The following UNC13D variants were observed in gnomAD, a reference collection of about 807,000 sequenced individuals.
The protein encoded by UNC13D is protein unc-13 homolog D.
UNC13D carries 115 observed loss-of-function variants against 151.7 expected under a neutral mutation model. The ratio of observed to expected loss-of-function variants is 0.76; its 90% confidence interval spans 0.65 to 0.88. The LOEUF (loss-of-function observed/expected upper bound fraction) is 0.88, where lower values mean the gene tolerates loss of function less well. Among genes scored for constraint, UNC13D ranks in the 40% least tolerant of loss-of-function variants. The pLI is 0.00. For missense variants in UNC13D, 1,369 were observed against 1,438.7 expected, an observed-to-expected ratio of 0.95 and a Z score of 0.78; for synonymous variants, 588 against 612.2, an observed-to-expected ratio of 0.96 and a Z score of 0.58.
Position 75,836,642 on chromosome 17 carries a change from T to A in UNC13D, c.1228A>T (p.Ile410Phe). ...SSLLTYGLSLIRRFRSVFPLS... is the reference protein window; with the variant it reads ...SSLLTYGLSLFRRFRSVFPLS... ...GGGAAGACAGAGCGGAACCTCCGGA[T>A]GAGGGAGAGGCCGTAGGTCAGCAGG... Residue 410 changes from isoleucine to phenylalanine, a missense_variant, in exon 14 of 32, where the codon ATC becomes TTC. Physicochemically the swap from Ile to Phe is conservative, Grantham distance 21. Transcript: ENST00000207549. 6.2e-7 allele frequency: 1 copy of A among 1,613,688 alleles called. No individual in the cohort carries two copies. Among genetic ancestry groups the A allele is most frequent in the South Asian group, 1.1e-5 (1 of 91,084 alleles).
At position 75,843,235 on chromosome 17, in the gene UNC13D, G is replaced by A. The variant is rs1567822572; in HGVS notation, c.185C>T (p.Thr62Ile). Reference protein sequence around the residue: ...RALLYEDALYTVLHRLGHPEP... With the variant: ...RALLYEDALYIVLHRLGHPEP... ...AGGATGACCCAGGCGGTGCAAGACA[G>A]TGTAGAGTGCGTCCTCGTAGAGCAG... The change falls in exon 3 of 32, where the codon ACT becomes ATT. Residue 62 changes from threonine to isoleucine, a missense_variant. By Grantham distance (89) the Thr-to-Ile change is moderately conservative. This residue lies in a region of UNC13D where 550 missense variants were observed against 609.0 expected (regional missense o/e 0.90). Transcript: ENST00000207549. The A allele has an allele frequency of 2.5e-6, 4 of 1,610,540 alleles. No homozygotes were observed. Among genetic ancestry groups the A allele is most frequent in the Admixed American group, 3.3e-5 (2 of 60,018 alleles).
In UNC13D at chr17:75,828,785, A is replaced by G; in HGVS notation, c.3151+2T>C. The G allele has an allele frequency of 6.5e-7, 1 of 1,536,254 alleles. No individual in the cohort carries two copies. The highest frequency in any genetic ancestry group is 8.8e-7 in the Non-Finnish European group (1 of 1,141,424). ...ACCACCCTGCCCTGGGCTCAGGCCT[A>G]CCGTTGGGTGCGGGGTACGTGAGGG... On this transcript the variant is annotated splice_donor_variant, in intron 31 of 31. Transcript: ENST00000207549. LOFTEE classifies it high-confidence loss of function.
chr17:75,844,132 C>A, intron 1 of UNC13D, 89 bp downstream of exon 1: 1 of 1,552,930 alleles, frequency 6.4e-7, no homozygotes, highest in Non-Finnish European at 8.8e-7. Flanking sequence ...TCCCAGCCTT[C>A]GAGAGGTGGG....
chr17:75,834,396 C>T lies in UNC13D; in HGVS notation c.2227G>A (p.Ala743Thr). The T allele has an allele frequency of 6.3e-7, 1 of 1,588,346 alleles. No homozygotes were observed. Among genetic ancestry groups the T allele is most frequent in the Non-Finnish European group, 8.5e-7 (1 of 1,174,862 alleles). The change falls in exon 23 of 32, where the codon GCC becomes ACC. Residue 743 changes from alanine to threonine, a missense_variant. Ala to Thr is a moderately conservative substitution (Grantham distance 58). Transcript: ENST00000207549. ...CCGGCCAGCGCGCTCTGCAGCTGGGCATGCAGCGTGTTCTGCAGCTGCCCC... is the reference window on the plus strand; with the variant it reads ...CCGGCCAGCGCGCTCTGCAGCTGGGTATGCAGCGTGTTCTGCAGCTGCCCC... Reference protein sequence around the residue: ...EQGQLQNTLHAQLQSALAGLG... With the variant: ...EQGQLQNTLHTQLQSALAGLG...
rs746314361 is a variant in UNC13D at position 75,836,615 on chromosome 17, G to T, written c.1255C>A (p.Leu419Ile). Residue 419 changes from leucine to isoleucine, a missense_variant, in exon 14 of 32, where the codon CTC becomes ATC. This residue lies in a region of UNC13D where 550 missense variants were observed against 609.0 expected (regional missense o/e 0.90). Coordinates refer to ENST00000207549, the MANE Select transcript of UNC13D (RefSeq NM_199242.3). ...CGGGCTGGGGAGTCCGAGACAGAGA[G>T]GGGGAAGACAGAGCGGAACCTCCGG... ...LIRRFRSVFPLSVSDSPARLQ... is the reference protein window; with the variant it reads ...LIRRFRSVFPISVSDSPARLQ... The T allele has an allele frequency of 6.2e-6, 10 of 1,613,678 alleles. No individual in the cohort carries two copies. Among genetic ancestry groups the T allele is most frequent in the African/African-American group, 2.7e-5 (2 of 74,940 alleles).
chr17:75,840,729 C>T lies in UNC13D; in HGVS notation c.683+33G>A, dbSNP rs565803730. The T allele has an allele frequency of 3.7e-6, 6 of 1,613,648 alleles. 1 individual carries two copies. In the South Asian group the frequency reaches 6.6e-5, roughly 18 times the overall value. ...GGGGGATGGAGGGCAAAAGGAGCCC[C>T]AACCCCTTCCCTGTGAGCCCTGCAA... On this transcript the variant is annotated intron_variant, in intron 8 of 31. Coordinates refer to ENST00000207549, the MANE Select transcript of UNC13D (RefSeq NM_199242.3). This position sits in a 1 kb window ranked among gnomAD's most constrained non-coding sequence, Gnocchi z 4.6.
rs2064880235 is a variant in UNC13D at position 75,832,749 on chromosome 17, C to A, written c.2447+217G>T. On this transcript the variant is annotated intron_variant, in intron 25 of 31. Transcript: ENST00000207549. The surrounding 1 kb of genome is among the most constrained non-coding windows in gnomAD (Gnocchi z 4.3). ...CGAGCCTTAGCAGAGCCTGTTGCAC[C>A]CATAAGGGAGGTCACCAAAGGGATT... The A allele has an allele frequency of 1.9e-6, 1 of 532,808 alleles. No homozygotes were observed. Among genetic ancestry groups the A allele is most frequent in the Non-Finnish European group, 3.5e-6 (1 of 289,050 alleles). The allele number at this position is 532,808 out of a possible 1,614,324, so 33.0% of individuals were successfully genotyped here. A position where few individuals can be genotyped will look rare whatever the true frequency, so the allele number is the denominator to read the frequency against.
chr17:75,833,969 C>A lies in UNC13D; in HGVS notation c.2367+106G>T, dbSNP rs2064889155. On this transcript the variant is annotated intron_variant, in intron 24 of 31. Coordinates refer to ENST00000207549, the MANE Select transcript of UNC13D (RefSeq NM_199242.3). This position sits in a 1 kb window ranked among gnomAD's most constrained non-coding sequence, Gnocchi z 4.0. ...AACTGAGGCCCAGGGAGAGAACATG[C>A]TTTGCCTGGTCTGGGGGACTTATCT... is the stretch of plus-strand genomic sequence containing the variant. The A allele has an allele frequency of 1.4e-6, 2 of 1,433,002 alleles. No homozygotes were observed. The highest frequency in any genetic ancestry group is 2.0e-6 in the Non-Finnish European group (2 of 1,024,248). The allele number at this position is 1,433,002 out of a possible 1,614,324, so 88.8% of individuals were successfully genotyped here. A position where few individuals can be genotyped will look rare whatever the true frequency, so the allele number is the denominator to read the frequency against.
At chr17:75,842,664 G>T in intron 5 of UNC13D, 51 bp from the exon 6 acceptor site, 1 of 1,608,308 alleles carries the variant, frequency 6.2e-7, no homozygotes. Flanking sequence ...CTGGGTCCCT[G>T]GGAGAGGCCC....
chr17:75,839,979 G>T, intron 11 of UNC13D, 37 bp from the exon 12 acceptor site: 2 of 1,613,514 alleles, frequency 1.2e-6, no homozygotes, highest in Non-Finnish European at 1.7e-6. Flanking sequence ...AGGACCTGAA[G>T]GGCAGCCCCG....
intron 12 of UNC13D, 64 bp from the exon 13 acceptor site, chr17:75,836,982 G>C: frequency 1.8e-6 from 2 of 1,136,302 alleles, no homozygotes; most frequent in South Asian, 2.9e-5. Context: ...CTGTTCACCC[G>C]GCCTCAGGTG....
In UNC13D at chr17:75,835,507, T is replaced by C. The variant is rs753075040; in HGVS notation, c.1750A>G (p.Asn584Asp). The change falls in exon 20 of 32, where the codon AAT becomes GAT. Residue 584 changes from asparagine to aspartate, a missense_variant. Coordinates refer to ENST00000207549, the MANE Select transcript of UNC13D (RefSeq NM_199242.3). ...SERDGVLALDNFHRWFQPAIP... is the reference protein window; with the variant it reads ...SERDGVLALDDFHRWFQPAIP... Reference sequence around the variant, plus strand: ...GCCGGCTGGAACCAGCGGTGGAAATTATCCAGGGCCAGGACTCCATCCCTG... The same window carrying C: ...GCCGGCTGGAACCAGCGGTGGAAATCATCCAGGGCCAGGACTCCATCCCTG... 3 of 1,608,008 alleles carry C rather than the reference T, an allele frequency of 1.9e-6. No individual in the cohort carries two copies. The highest frequency in any genetic ancestry group is 2.2e-5 in the South Asian group (2 of 90,446).
At chr17:75,841,931 T>C (rs1202236610) in intron 6 of UNC13D, among the ~76,000 whole-genome samples, 1 of 151,562 alleles carries the variant, frequency 6.6e-6, no homozygotes, top group Middle Eastern at 3.2e-3. Context: ...TGTATTTTAG[T>C]AGAGACGGGG....
At chr17:75,843,672 C>T (rs2143902596) in intron 1 of UNC13D, 153 bp from the exon 2 acceptor site, 1 of 1,480,802 alleles carries the variant, frequency 6.8e-7, no homozygotes, top group East Asian at 2.5e-5. Context: ...CCTGTTCCCC[C>T]AGCAGGCCTC....
At position 75,828,557 on chromosome 17, in the gene UNC13D, T is replaced by G. The variant is rs1009363851; in HGVS notation, c.3151+230A>C. On this transcript the variant is annotated intron_variant, in intron 31 of 31. Transcript: ENST00000207549. Reference sequence around the variant, plus strand: ...GCCCCGCCGAGTGAGATCCAGGCCCTTCTCCCCAGTTAAACTTCTTGGTGA... The same window carrying G: ...GCCCCGCCGAGTGAGATCCAGGCCCGTCTCCCCAGTTAAACTTCTTGGTGA... Among the ~76,000 whole-genome samples, 3 of 152,186 alleles carry G rather than the reference T, an allele frequency of 2.0e-5. No individual in the cohort carries two copies. In the East Asian group the frequency reaches 5.8e-4, roughly 29 times the overall value.
chr17:75,828,164 G>A, intron 31 of UNC13D, 78 bp from the exon 32 acceptor site: 2 of 1,520,574 alleles, frequency 1.3e-6, no homozygotes, highest in Non-Finnish European at 1.8e-6. Context: ...AGTGTGTGGG[G>A]GGGTACACAA....
At position 75,835,639 on chromosome 17, in the gene UNC13D, C is replaced by T. The variant is rs1255437111; in HGVS notation, c.1727+8G>A. 1 of 1,613,124 alleles carries T rather than the reference C, an allele frequency of 6.2e-7. No homozygotes were observed. The highest frequency in any genetic ancestry group is 1.7e-5 in the Admixed American group (1 of 59,994). On this transcript the variant is annotated splice_region_variant and intron_variant, in intron 19 of 31. Transcript: ENST00000207549. ...CCTGCAGCCGCCCACAATTGGCCTG[C>T]TGCCCACCTCTCTGAGGAGCTCATG...
intron 12 of UNC13D, among the ~76,000 whole-genome samples, chr17:75,837,754 C>CAAACA (rs747265466): frequency 2.4e-5 from 3 of 125,228 alleles, no homozygotes; most frequent in Non-Finnish European, 3.3e-5. Context: ...AACTCCAGCT[C>CAAACA]AAAAAAAAAA....
Position 75,834,950 on chromosome 17 carries a change from C to G in UNC13D, c.1962G>C (p.Glu654Asp), listed in dbSNP as rs368817708. 43 of 1,613,966 alleles carry G rather than the reference C, an allele frequency of 2.7e-5. No individual in the cohort carries two copies. Among genetic ancestry groups the G allele is most frequent in the Non-Finnish European group, 3.5e-5 (41 of 1,180,038 alleles). Residue 654 changes from glutamate to aspartate, a missense_variant, in exon 21 of 32, where the codon GAG becomes GAC. Physicochemically the swap from Glu to Asp is conservative, Grantham distance 45 (BLOSUM62 2). Coordinates refer to ENST00000207549, the MANE Select transcript of UNC13D (RefSeq NM_199242.3). ...CAAACTTGACGGTAATCATGAAGGC[C>G]TCCTCTGGGTCTGGCCAGTCCAGCT... is the stretch of plus-strand genomic sequence containing the variant. ...ARQLDWPDPE[E>D]AFMITVKFVE...
Sources: gnomAD v4.1 joint callset for allele counts (sites outside exome capture counted in the v4.1 genomes callset) on GRCh38, gnomAD v4.1.1 for gene constraint, gnomAD v4.1.1 regional missense constraint, Gnocchi (gnomAD v3.1) non-coding constraint, MANE v1.5 for transcripts, NCBI Gene and HGNC (gene_info 2026-07-23, HGNC 2026-07-21) for gene names.